The following CCBE1 variants were observed in gnomAD, a reference collection of about 807,000 sequenced individuals.
CCBE1 encodes the protein collagen and calcium-binding EGF domain-containing protein 1.
In CCBE1, 37 loss-of-function variants were observed where a neutral mutation model predicts 50.0. The observed-to-expected ratio is 0.74, with a 90% CI of 0.57 to 0.97. The LOEUF (loss-of-function observed/expected upper bound fraction) is 0.97. CCBE1 is among the 50% of genes least tolerant of loss of function. The pLI, the probability that CCBE1 is intolerant of heterozygous loss-of-function variation, is 0.00. For missense variants in CCBE1, 538 were observed against 523.8 expected (o/e 1.03, Z -0.26); for synonymous variants, 234 against 203.7 (o/e 1.15, Z -1.27).
intron 2 of CCBE1, among the ~76,000 whole-genome samples, chr18:59,627,890 T>G (rs7229141): frequency 6.6e-6 from 1 of 151,978 alleles, no homozygotes; most frequent in Non-Finnish European, 1.5e-5. Flanking sequence ...TACAGGCATA[T>G]TGAAAACCAT....
At chr18:59,436,381 A>G (rs570407257) in intron 10 of CCBE1, among the ~76,000 whole-genome samples, 1 of 152,314 alleles carries the variant, frequency 6.6e-6, no homozygotes, top group East Asian at 1.9e-4. Flanking sequence ...CGCTTTATCA[A>G]ATCCAGTAGA....
At chr18:59,438,008 C>A in intron 10 of CCBE1, 103 bp downstream of exon 10, 1 of 1,091,326 alleles carries the variant, frequency 9.2e-7, no homozygotes, top group Non-Finnish European at 1.4e-6. Context: ...TGAGTGGCAT[C>A]AGGAAGGGGC....
At chr18:59,466,682 T>G in intron 5 of CCBE1, 57 bp downstream of exon 5, 1 of 1,237,046 alleles carries the variant, frequency 8.1e-7, no homozygotes. Context: ...AAACTGGTTA[T>G]ATATATAATA....
rs12606708 is a variant in CCBE1, at chr18:59,576,916, T to C, written c.213-96678A>G. Reference sequence around the variant, plus strand: ...GCCTACCTGAAAGAGATGTTTTTTCTGACTCCTCCCTAATCCCTTCTCTCT... The same window carrying C: ...GCCTACCTGAAAGAGATGTTTTTTCCGACTCCTCCCTAATCCCTTCTCTCT... On this transcript the variant is annotated intron_variant, in intron 2 of 10. Coordinates refer to ENST00000439986, the MANE Select transcript of CCBE1 (RefSeq NM_133459.4). Among the ~76,000 whole-genome samples, 299 of 152,350 alleles carry C rather than the reference T, an allele frequency of 2.0e-3. 4 individuals are homozygous for C. In the East Asian group the frequency reaches 0.03, roughly 15 times the overall value.
chr18:59,439,471 C>G (rs922450293), intron 9 of CCBE1, 72 bp downstream of exon 9: 2 of 1,590,440 alleles, frequency 1.3e-6, no homozygotes, highest in Admixed American at 1.7e-5. Flanking sequence ...TCTCAAAAAA[C>G]AAAAACAAAA....
chr18:59,472,305 G>A (rs1366228915), intron 3 of CCBE1, among the ~76,000 whole-genome samples: 1 of 152,204 alleles, frequency 6.6e-6, no homozygotes, highest in African/African-American at 2.4e-5. Context: ...TTACCTCAAT[G>A]ATACTTAGTT....
intron 2 of CCBE1, among the ~76,000 whole-genome samples, chr18:59,633,545 A>G (rs1345566525): frequency 6.6e-6 from 1 of 152,182 alleles, no homozygotes; most frequent in Non-Finnish European, 1.5e-5. Flanking sequence ...TCATCTGTAC[A>G]TTTCATTAAG....
At chr18:59,588,082 A>G (rs1391828144) in intron 2 of CCBE1, among the ~76,000 whole-genome samples, 1 of 152,218 alleles carries the variant, frequency 6.6e-6, no homozygotes, top group African/African-American at 2.4e-5. Flanking sequence ...AAATCCTAAT[A>G]GATTGTTTTA....
chr18:59,582,745 T>C (rs2053104347), intron 2 of CCBE1, among the ~76,000 whole-genome samples: 1 of 152,180 alleles, frequency 6.6e-6, no homozygotes, highest in South Asian at 2.1e-4. Flanking sequence ...GGTAAAAAAC[T>C]AATACTCAAT....
At chr18:59,442,759 G>A (rs1910491979) in intron 7 of CCBE1, among the ~76,000 whole-genome samples, 1 of 152,038 alleles carries the variant, frequency 6.6e-6, no homozygotes, top group African/African-American at 2.4e-5. Flanking sequence ...AATAAAAATT[G>A]GGAGATTTCA....
At position 59,652,596 on chromosome 18, in the gene CCBE1, C is replaced by T. The variant is rs1018317252; in HGVS notation, c.212+44033G>A. ...GAAGAGAAAGAAAGAGGAGAAGCAG[C>T]TACCACTGTGAGAGAGCACTCGGAG... is the stretch of plus-strand genomic sequence containing the variant. On this transcript the variant is annotated intron_variant, in intron 2 of 10. Transcript: ENST00000439986. 5.3e-5 allele frequency among the ~76,000 whole-genome samples: 8 copies of T among 152,184 alleles called. No individual in the cohort carries two copies. The East Asian group carries it at 1.3e-3, about 26-fold the overall frequency.
intron 2 of CCBE1, among the ~76,000 whole-genome samples, chr18:59,503,207 G>A (rs1913707704): frequency 1.3e-5 from 2 of 152,186 alleles, no homozygotes; most frequent in Non-Finnish European, 2.9e-5. Context: ...CCATTCCCTA[G>A]CCATTAAGTG....
At chr18:59,482,603 C>A (rs1457590719) in intron 2 of CCBE1, among the ~76,000 whole-genome samples, 1 of 152,044 alleles carries the variant, frequency 6.6e-6, no homozygotes, top group East Asian at 1.9e-4. Context: ...CATGTAGTTG[C>A]AATAAATATG....
chr18:59,648,875 A>G (rs2054090648), intron 2 of CCBE1, among the ~76,000 whole-genome samples: 1 of 152,094 alleles, frequency 6.6e-6, no homozygotes. Context: ...ATCTCCTTGT[A>G]TTTCTTCAAC....
intron 2 of CCBE1, among the ~76,000 whole-genome samples, chr18:59,502,974 G>A (rs753672515): frequency 3.9e-5 from 6 of 152,174 alleles, no homozygotes; most frequent in Non-Finnish European, 7.4e-5. Flanking sequence ...GGCAATCCAC[G>A]ATCATGGCCA....
At chr18:59,473,450 G>A (rs75772892) in intron 3 of CCBE1, among the ~76,000 whole-genome samples, 2,935 of 152,138 alleles carry the variant, frequency 0.019, 81 homozygotes, top group African/African-American at 0.066. Flanking sequence ...TTATAATCTG[G>A]AAATTAATAT....
chr18:59,512,513 C>G (rs978005105), intron 2 of CCBE1, among the ~76,000 whole-genome samples: 2 of 152,254 alleles, frequency 1.3e-5, no homozygotes, highest in Non-Finnish European at 2.9e-5. Context: ...CCCCACTGCC[C>G]TCAACTCATC....
intron 2 of CCBE1, among the ~76,000 whole-genome samples, chr18:59,572,613 C>T (rs1002805284): frequency 1.3e-5 from 2 of 152,134 alleles, no homozygotes; most frequent in Non-Finnish European, 2.9e-5. Context: ...ATATATAAAT[C>T]AGTCAGGATA....
chr18:59,632,553 C>T (rs949851608), intron 2 of CCBE1, among the ~76,000 whole-genome samples: 18 of 150,676 alleles, frequency 1.2e-4, no homozygotes, highest in Non-Finnish European at 2.4e-4. Context: ...GAATTACAGG[C>T]GTGAGCCACT....
Sources: allele counts gnomAD v4.1 joint callset (sites outside exome capture counted in the v4.1 genomes callset), GRCh38; gene constraint gnomAD v4.1.1; transcripts MANE v1.5; gene names NCBI Gene and HGNC (gene_info 2026-07-23, HGNC 2026-07-21).